Variants in SLC24A3 observed in about 807,000 individuals in gnomAD.
SLC24A3 encodes sodium/potassium/calcium exchanger 3.
A neutral mutation model predicts 75.8 loss-of-function variants in SLC24A3; 28 were observed. The observed-to-expected ratio is 0.37, with a 90% confidence interval of 0.27 to 0.51. The LOEUF (loss-of-function observed/expected upper bound fraction) is 0.51. SLC24A3 is among the 20% of genes least tolerant of loss of function. The probability of loss-of-function intolerance (pLI) is 0.94; values close to 1 mark genes in which losing one functional copy is unlikely to be tolerated. For synonymous variants in SLC24A3, 372 were observed against 334.1 expected, an observed-to-expected ratio of 1.11 and a Z score of -1.24; for missense variants, 663 against 847.8, an observed-to-expected ratio of 0.78 and a Z score of 2.71.
chr20:19,466,726 T>C (rs1187465125), intron 2 of SLC24A3, among the ~76,000 whole-genome samples: 2 of 152,158 alleles, frequency 1.3e-5, no homozygotes, highest in Non-Finnish European at 2.9e-5. Context: ...GCTATTCTCC[T>C]AGCACACTGG....
intron 6 of SLC24A3, among the ~76,000 whole-genome samples, chr20:19,586,042 G>T (rs758425130): frequency 6.6e-6 from 1 of 152,066 alleles, no homozygotes; most frequent in Non-Finnish European, 1.5e-5. Flanking sequence ...CTATTATAAC[G>T]TGCCTTTGGG....
At chr20:19,648,399 C>T (rs950780678) in intron 6 of SLC24A3, among the ~76,000 whole-genome samples, 1 of 152,044 alleles carries the variant, frequency 6.6e-6, no homozygotes, top group Non-Finnish European at 1.5e-5. Flanking sequence ...CAGACACTAA[C>T]AGTTTTATGT....
intron 2 of SLC24A3, among the ~76,000 whole-genome samples, chr20:19,413,846 CT>C (rs1482658974): frequency 1.7e-4 from 26 of 152,104 alleles, no homozygotes; most frequent in Admixed American, 1.6e-3. Flanking sequence ...TAAAATTTCT[CT>C]TTATAATGTT....
At chr20:19,346,271 G>T (rs1483186229) in intron 2 of SLC24A3, among the ~76,000 whole-genome samples, 12 of 69,940 alleles carry the variant, frequency 1.7e-4, no homozygotes, top group East Asian at 6.3e-4. Flanking sequence ...ATATATATAT[G>T]GTGTATATAT....
At chr20:19,364,508 G>A (rs1985850001) in intron 2 of SLC24A3, among the ~76,000 whole-genome samples, 1 of 152,034 alleles carries the variant, frequency 6.6e-6, no homozygotes, top group Non-Finnish European at 1.5e-5. Context: ...CAGGCTGGAG[G>A]GCAGTGGTGC....
chr20:19,402,624 C>T (rs1056587200), intron 2 of SLC24A3, among the ~76,000 whole-genome samples: 1 of 152,170 alleles, frequency 6.6e-6, no homozygotes, highest in Non-Finnish European at 1.5e-5. Context: ...ATCTATTGGG[C>T]AGAAGGAAAG....
chr20:19,543,939 C>T (rs533027330), intron 3 of SLC24A3, among the ~76,000 whole-genome samples: 16 of 152,288 alleles, frequency 1.1e-4, no homozygotes, highest in African/African-American at 3.6e-4. Context: ...TCCTGAGTGA[C>T]TCCACATTTA....
At chr20:19,528,358 A>G (rs2030237245) in intron 3 of SLC24A3, among the ~76,000 whole-genome samples, 1 of 152,060 alleles carries the variant, frequency 6.6e-6, no homozygotes. Flanking sequence ...CCATTTTCCC[A>G]TCTCTTTACC....
Position 19,440,384 on chromosome 20 carries a change from T to C in SLC24A3, c.272-75104T>C, listed in dbSNP as rs571456115. ...CTGGGGAGAGAGAATGGGACAAGTG[T>C]CCAGAGATCTCTTTTGTCTCTGACT... On this transcript the variant is annotated intron_variant, in intron 2 of 16. Coordinates refer to ENST00000328041, the MANE Select transcript of SLC24A3 (RefSeq NM_020689.4). Among the ~76,000 whole-genome samples the C allele has an allele frequency of 6.6e-5, 10 of 152,308 alleles. No homozygotes were observed. The South Asian group carries it at 1.9e-3, about 28-fold the overall frequency.
intron 2 of SLC24A3, among the ~76,000 whole-genome samples, chr20:19,292,764 A>T (rs1360065885): frequency 6.6e-6 from 1 of 152,220 alleles, no homozygotes; most frequent in Non-Finnish European, 1.5e-5. Flanking sequence ...AAAATGCCAT[A>T]GACTGAATGT....
At position 19,249,114 on chromosome 20, in the gene SLC24A3, G is replaced by T. The variant is rs188023197; in HGVS notation, c.143-31845G>T. 3.1e-4 allele frequency among the ~76,000 whole-genome samples: 47 copies of T among 152,100 alleles called. 1 individual carries two copies. The East Asian group carries it at 8.5e-3, about 27-fold the overall frequency. ...CCAGTCATTCCACATTGTATATGTAGATCAAGCATCACTTTGTATCTCACA... is the reference window on the plus strand; with the variant it reads ...CCAGTCATTCCACATTGTATATGTATATCAAGCATCACTTTGTATCTCACA... On this transcript the variant is annotated intron_variant, in intron 1 of 16. Coordinates refer to ENST00000328041, the MANE Select transcript of SLC24A3 (RefSeq NM_020689.4).
rs1344193771 is a variant in SLC24A3 at position 19,466,855 on chromosome 20, A to G, written c.272-48633A>G. On this transcript the variant is annotated intron_variant, in intron 2 of 16. Coordinates refer to ENST00000328041, the MANE Select transcript of SLC24A3 (RefSeq NM_020689.4). ...TTAGATGAAAAGACCTCCCACTCAG[A>G]AAGTGTTTATTAATTTATTTAAAAA... 2.6e-5 allele frequency among the ~76,000 whole-genome samples: 4 copies of G among 152,324 alleles called. No individual in the cohort carries two copies. In the South Asian group the frequency reaches 8.3e-4, roughly 32 times the overall value.
intron 2 of SLC24A3, among the ~76,000 whole-genome samples, chr20:19,507,355 A>G (rs1988476402): frequency 1.3e-5 from 2 of 152,262 alleles, no homozygotes; most frequent in Admixed American, 1.3e-4. Flanking sequence ...CAAGGACCAT[A>G]TGCATTTCTC....
chr20:19,489,247 T>C (rs1247621322), intron 2 of SLC24A3, among the ~76,000 whole-genome samples: 1 of 152,200 alleles, frequency 6.6e-6, no homozygotes, highest in Non-Finnish European at 1.5e-5. Flanking sequence ...AATCCCCTTG[T>C]AGGTATGATT....
chr20:19,231,481 G>A (rs1275055835), intron 1 of SLC24A3, among the ~76,000 whole-genome samples: 4 of 152,208 alleles, frequency 2.6e-5, no homozygotes, highest in African/African-American at 9.7e-5. Context: ...GCCAGAGAAG[G>A]TGATGTGCCA....
intron 1 of SLC24A3, among the ~76,000 whole-genome samples, chr20:19,232,298 C>G (rs769553975): frequency 2.0e-5 from 3 of 152,060 alleles, no homozygotes; most frequent in Non-Finnish European, 4.4e-5. Flanking sequence ...ATGATCAGCT[C>G]TCTTTATTTT....
chr20:19,278,751 T>G (rs540188953), intron 1 of SLC24A3, among the ~76,000 whole-genome samples: 1 of 152,318 alleles, frequency 6.6e-6, no homozygotes, highest in African/African-American at 2.4e-5. Context: ...TTCATTAGAC[T>G]CCACATCCTT....
intron 2 of SLC24A3, among the ~76,000 whole-genome samples, chr20:19,398,943 A>G (rs891335852): frequency 2.0e-5 from 3 of 152,116 alleles, no homozygotes; most frequent in African/African-American, 7.2e-5. Flanking sequence ...TTTTAGTTCT[A>G]TTTGCATTAA....
intron 1 of SLC24A3, among the ~76,000 whole-genome samples, chr20:19,229,837 G>A (rs1981967999): frequency 6.6e-6 from 1 of 151,908 alleles, no homozygotes; most frequent in South Asian, 2.1e-4. Context: ...TTGATTTTCA[G>A]CACTATTGGG....
Sources: gnomAD v4.1 joint callset for allele counts (sites outside exome capture counted in the v4.1 genomes callset) on GRCh38, gnomAD v4.1.1 for gene constraint, MANE v1.5 for transcripts, NCBI Gene and HGNC (gene_info 2026-07-23, HGNC 2026-07-21) for gene names.